The following LHX5 variants were observed in gnomAD, a reference collection of about 807,000 sequenced individuals.
LHX5 encodes the protein LIM homeobox 5.
A neutral mutation model predicts 30.6 loss-of-function variants in LHX5; 5 were observed. The ratio of observed to expected loss-of-function variants is 0.16; its 90% CI spans 0.09 to 0.34. The LOEUF (loss-of-function observed/expected upper bound fraction) is 0.34. Among genes scored for constraint, LHX5 ranks in the 10% least tolerant of loss-of-function variants. LHX5 has a pLI of 1.00. For synonymous variants in LHX5, 266 were observed against 252.6 expected (o/e 1.05, Z -0.50); for missense variants, 458 against 570.6 (o/e 0.80, Z 2.01).
At chr12:113,468,773 C>T (rs68023461) in intron 2 of LHX5, among the ~76,000 whole-genome samples, 24,436 of 152,182 alleles carry the variant, frequency 0.16, 2,127 homozygotes, top group Middle Eastern at 0.22. Flanking sequence ...TCTCTCCAGA[C>T]CTCAATTAAT....
intron 1 of LHX5, among the ~76,000 whole-genome samples, chr12:113,470,649 A>ACCACTCTTCCAGGCTGGGGAAACCTCT (rs1430052495): frequency 2.0e-5 from 3 of 152,228 alleles, no homozygotes. Flanking sequence ...GGCTGGGGAA[A>ACCACTCTTCCAGGCTGGGGAAACCTCT]CTGAGGCCCA....
intron 2 of LHX5, among the ~76,000 whole-genome samples, 179 bp downstream of exon 2, chr12:113,468,943 T>C (rs1958230224): frequency 6.6e-6 from 1 of 152,160 alleles, no homozygotes; most frequent in South Asian, 2.1e-4. Flanking sequence ...TAAAACCTGC[T>C]CCAAAGCCAC....
chr12:113,464,328 AG>A lies in LHX5; in HGVS notation c.842-772del. The stretch of plus-strand genomic sequence containing the variant: ...ACCGGGCAGGGACAAACCAGCGGAC[AG>A]AGCAGAGCGCGAAATGGTTGAGACC... On this transcript the variant is annotated intron_variant, in intron 4 of 4. Coordinates refer to ENST00000261731, the MANE Select transcript of LHX5 (RefSeq NM_022363.3). The surrounding 1 kb of genome is among the most constrained non-coding windows in gnomAD (Gnocchi z 6.2). 6.6e-6 allele frequency among the ~76,000 whole-genome samples: 1 copy of A among 152,214 alleles called. No individual in the cohort carries two copies. Among genetic ancestry groups the A allele is most frequent in the East Asian group, 1.9e-4 (1 of 5,172 alleles).
In LHX5 at chr12:113,469,122, C is replaced by T. The variant is rs753619070; in HGVS notation, c.397G>A (p.Val133Met). ...SSLKEGSLNS[V>M]SSCTDRSLSP... ...CTAGTGAGGGGCCCAGGCTTCCTAC[C>T]TGAGTTGAGGCTGCCCTCCTTGAGG... Residue 133 changes from valine to methionine, a missense_variant and splice_region_variant, in exon 2 of 5, where the codon GTG becomes ATG. By Grantham distance (21) the Val-to-Met change is conservative. Coordinates refer to ENST00000261731, the MANE Select transcript of LHX5 (RefSeq NM_022363.3). The T allele has an allele frequency of 1.2e-5, 19 of 1,611,176 alleles. No individual in the cohort carries two copies. Among genetic ancestry groups the T allele is most frequent in the Non-Finnish European group, 1.6e-5 (19 of 1,178,476 alleles).
Position 113,465,622 on chromosome 12 carries a change from C to T in LHX5, c.841+1634G>A, listed in dbSNP as rs1297504955. Among the ~76,000 whole-genome samples the T allele has an allele frequency of 2.6e-5, 4 of 152,334 alleles. No homozygotes were observed. The East Asian group carries it at 7.7e-4, about 29-fold the overall frequency. ...CCCAGTATCCAGCTCCCCACCTCAT[C>T]CAGCGCGCAGGGAGAGGAGGCGGTG... On this transcript the variant is annotated intron_variant, in intron 4 of 4. Transcript: ENST00000261731. The surrounding 1 kb of genome is among the most constrained non-coding windows in gnomAD (Gnocchi z 6.7).
At chr12:113,469,575 T>G (rs1958235037) in intron 1 of LHX5, among the ~76,000 whole-genome samples, 1 of 152,308 alleles carries the variant, frequency 6.6e-6, no homozygotes, top group South Asian at 2.1e-4. Flanking sequence ...CAGACTCTCC[T>G]GAGCTGGGAA....
rs1958216348 is a variant in LHX5 at position 113,466,593 on chromosome 12, G to A, written c.841+663C>T. 6.6e-6 allele frequency among the ~76,000 whole-genome samples: 1 copy of A among 152,220 alleles called. No homozygotes were observed. The highest frequency in any genetic ancestry group is 2.4e-5 in the African/African-American group (1 of 41,464). ...TCTCGGGGCTGGAGGGTGGACTACA[G>A]TCCTGCCCAGAGCAACTGCCGGCAT... On this transcript the variant is annotated intron_variant, in intron 4 of 4. Coordinates refer to ENST00000261731, the MANE Select transcript of LHX5 (RefSeq NM_022363.3). This position sits in a 1 kb window ranked among gnomAD's most constrained non-coding sequence, Gnocchi z 6.5.
At chr12:113,469,617 G>A (rs1958235357) in intron 1 of LHX5, among the ~76,000 whole-genome samples, 1 of 152,206 alleles carries the variant, frequency 6.6e-6, no homozygotes, top group South Asian at 2.1e-4. Context: ...CTTCAGCCAA[G>A]AAGAGAGCCC....
In LHX5 at chr12:113,463,317, A is replaced by G. The variant is rs903324008; in HGVS notation, c.1082T>C (p.Leu361Pro). The G allele has an allele frequency of 1.3e-6, 2 of 1,536,654 alleles. No individual in the cohort carries two copies. The highest frequency in any genetic ancestry group is 2.8e-5 in the African/African-American group (2 of 70,454). The change falls in exon 5 of 5, where the codon CTG (leucine) becomes CCG (proline). Residue 361 changes from leucine to proline, a missense_variant. Transcript: ENST00000261731. This position sits in a 1 kb window ranked among gnomAD's most constrained non-coding sequence, Gnocchi z 6.7. ...GAATACCTCGCCGGGCATGGGGTGCAGCGTGCCCGGCAGGCCTGGCTCGGG... is the reference window on the plus strand; with the variant it reads ...GAATACCTCGCCGGGCATGGGGTGCGGCGTGCCCGGCAGGCCTGGCTCGGG... Reference protein sequence around the residue: ...PSPEPGLPGTLHPMPGEVFSG... With the variant: ...PSPEPGLPGTPHPMPGEVFSG...
At position 113,469,467 on chromosome 12, in the gene LHX5, A is replaced by G. The variant is rs1406559359; in HGVS notation, c.174-122T>C. ...CCCATTTCCATATCTGTCAAACGGA[A>G]CCCCAATCCTGAGCGCTCTGGCCAG... On this transcript the variant is annotated intron_variant, in intron 1 of 4. Transcript: ENST00000261731. The G allele has an allele frequency of 4.7e-6, 4 of 846,378 alleles. No individual in the cohort carries two copies. In the African/African-American group the frequency reaches 6.8e-5, roughly 14 times the overall value. The allele number at this position is 846,378 out of a possible 1,614,324, so 52.4% of individuals were successfully genotyped here.
At chr12:113,471,217 T>C in intron 1 of LHX5, 109 bp downstream of exon 1, 3 of 1,185,478 alleles carry the variant, frequency 2.5e-6, no homozygotes, top group Non-Finnish European at 3.6e-6. Context: ...CCATCTAAGC[T>C]TGTGATCCGG....
At chr12:113,471,161 C>A (rs771643286) in intron 1 of LHX5, among the ~76,000 whole-genome samples, 165 bp downstream of exon 1, 1 of 152,208 alleles carries the variant, frequency 6.6e-6, no homozygotes, top group Non-Finnish European at 1.5e-5. Flanking sequence ...GGCTCGGGAC[C>A]TTTCCTGGAC....
Position 113,471,750 on chromosome 12 carries a change from C to G in LHX5, c.-252G>C. 1 of 457,380 alleles carries G rather than the reference C, an allele frequency of 2.2e-6. No homozygotes were observed. The highest frequency in any genetic ancestry group is 3.6e-5 in the East Asian group (1 of 27,732). 28.3% of individuals were successfully genotyped at this position (457,380 alleles called of 1,614,324 possible). A position where few individuals can be genotyped will look rare whatever the true frequency, so the allele number is the denominator to read the frequency against. ...CGGGCCGCACGCCCCGGCGCCTGTT[C>G]CGGGCTTCCCCAGGTATCTCGGGTG... On this transcript the variant is annotated 5_prime_UTR_variant, in exon 1 of 5. Coordinates refer to ENST00000261731, the MANE Select transcript of LHX5 (RefSeq NM_022363.3).
At position 113,463,094 on chromosome 12, in the gene LHX5, C is replaced by T. The variant is rs566094144; in HGVS notation, c.*96G>A. On this transcript the variant is annotated 3_prime_UTR_variant, in exon 5 of 5. Coordinates refer to ENST00000261731, the MANE Select transcript of LHX5 (RefSeq NM_022363.3). The surrounding 1 kb of genome is among the most constrained non-coding windows in gnomAD (Gnocchi z 6.7). ...AGAGAGAACCCCCGAGGGACACCCA[C>T]GTCTCCCACCGCGTCTGCGTCGGGC... 4 of 1,061,644 alleles carry T rather than the reference C, an allele frequency of 3.8e-6. No homozygotes were observed. In the East Asian group the frequency reaches 1.2e-4, roughly 32 times the overall value. The allele number at this position is 1,061,644 out of a possible 1,614,324, so 65.8% of individuals were successfully genotyped here.
In LHX5 at chr12:113,467,819, G is replaced by C. The variant is rs994773982; in HGVS notation, c.675+308C>G. 3.9e-5 allele frequency among the ~76,000 whole-genome samples: 6 copies of C among 152,254 alleles called. No individual in the cohort carries two copies. The highest frequency in any genetic ancestry group is 1.4e-4 in the African/African-American group (6 of 41,474). Reference sequence around the variant, plus strand: ...CATCGCCTGTTTCTCTGCTCGAAAGGTGGAGGTAAAGAGGGATCCCGGACC... The same window carrying C: ...CATCGCCTGTTTCTCTGCTCGAAAGCTGGAGGTAAAGAGGGATCCCGGACC... On this transcript the variant is annotated intron_variant, in intron 3 of 4. Coordinates refer to ENST00000261731, the MANE Select transcript of LHX5 (RefSeq NM_022363.3). The surrounding 1 kb of genome is among the most constrained non-coding windows in gnomAD (Gnocchi z 6.3).
rs1593328519 is a variant in LHX5, at chr12:113,468,482, C to T, written c.398-78G>A. The T allele has an allele frequency of 3.4e-6, 5 of 1,481,044 alleles. No individual in the cohort carries two copies. The East Asian group carries it at 9.7e-5, about 29-fold the overall frequency. The allele number at this position is 1,481,044 out of a possible 1,614,324, so 91.7% of individuals were successfully genotyped here. A position where few individuals can be genotyped will look rare whatever the true frequency, so the allele number is the denominator to read the frequency against. On this transcript the variant is annotated intron_variant, in intron 2 of 4. Transcript: ENST00000261731. ...CCTCTTCAGTCCAGTGGCGGGTTCC[C>T]GCCGGCCCAAGCTACGGCCTGCCCA...
Position 113,471,320 on chromosome 12 carries a change from T to G in LHX5, c.173+6A>C. The G allele has an allele frequency of 6.2e-7, 1 of 1,613,362 alleles. No homozygotes were observed. Among genetic ancestry groups the G allele is most frequent in the Non-Finnish European group, 8.5e-7 (1 of 1,179,830 alleles). ...GCGCAGGCAGCAGAGCGGCGCGGCCTCTTACCTGAAAAAGTCATTTTTGCA... is the reference window on the plus strand; with the variant it reads ...GCGCAGGCAGCAGAGCGGCGCGGCCGCTTACCTGAAAAAGTCATTTTTGCA... On this transcript the variant is annotated splice_donor_region_variant and intron_variant, in intron 1 of 4. Transcript: ENST00000261731.
rs1958218831 is a variant in LHX5, at chr12:113,466,973, T to C, written c.841+283A>G. On this transcript the variant is annotated intron_variant, in intron 4 of 4. Coordinates refer to ENST00000261731, the MANE Select transcript of LHX5 (RefSeq NM_022363.3). This position sits in a 1 kb window ranked among gnomAD's most constrained non-coding sequence, Gnocchi z 6.5. ...TCGTGCGATCGTGTCTAGACGTGTGTCCCTGGAGTCTCTGAACGCAAGTGT... is the reference window on the plus strand; with the variant it reads ...TCGTGCGATCGTGTCTAGACGTGTGCCCCTGGAGTCTCTGAACGCAAGTGT... Among the ~76,000 whole-genome samples, 1 of 151,828 alleles carries C rather than the reference T, an allele frequency of 6.6e-6. No individual in the cohort carries two copies. The highest frequency in any genetic ancestry group is 2.1e-4 in the South Asian group (1 of 4,802).
rs1420060583 is a variant in LHX5 at position 113,468,113 on chromosome 12, G to A, written c.675+14C>T. Reference sequence around the variant, plus strand: ...CCAGCGGGGCTAAGGAGCTGTGCCCGCCCCGGGCCGCACCTGGATGACGCG... The same window carrying A: ...CCAGCGGGGCTAAGGAGCTGTGCCCACCCCGGGCCGCACCTGGATGACGCG... On this transcript the variant is annotated intron_variant, in intron 3 of 4. Coordinates refer to ENST00000261731, the MANE Select transcript of LHX5 (RefSeq NM_022363.3). 6 of 1,531,024 alleles carry A rather than the reference G, an allele frequency of 3.9e-6. No individual in the cohort carries two copies. Among genetic ancestry groups the A allele is most frequent in the African/African-American group, 2.7e-5 (2 of 73,314 alleles). 94.8% of individuals were successfully genotyped at this position (1,531,024 alleles called of 1,614,324 possible).
Sources: allele counts gnomAD v4.1 joint callset (sites outside exome capture counted in the v4.1 genomes callset), GRCh38; gene constraint gnomAD v4.1.1; non-coding constraint Gnocchi (gnomAD v3.1); transcripts MANE v1.5; gene names NCBI Gene and HGNC (gene_info 2026-07-23, HGNC 2026-07-21).